LSAMP: variants seen among roughly 807,000 people sequenced by gnomAD.
LSAMP encodes the protein limbic system-associated membrane protein.
In LSAMP, 7 loss-of-function variants were observed where a neutral mutation model predicts 38.6. The ratio of observed to expected loss-of-function variants is 0.18; its 90% CI spans 0.10 to 0.34. LSAMP has a LOEUF of 0.34. Among genes scored for constraint, LSAMP ranks in the 10% least tolerant of loss-of-function variants. The pLI is 1.00. For synonymous variants in LSAMP, 154 were observed against 166.8 expected (o/e 0.92, Z 0.59); for missense variants, 313 against 420.0 (o/e 0.75, Z 2.23).
chr3:116,294,309 T>C (rs2047302595), intron 1 of LSAMP, among the ~76,000 whole-genome samples: 1 of 152,216 alleles, frequency 6.6e-6, no homozygotes, highest in South Asian at 2.1e-4. Context: ...AATATTTCTA[T>C]GCAATTTGGG....
chr3:116,386,997 C>T lies in LSAMP; in HGVS notation c.155+57880G>A, dbSNP rs114914126. Reference sequence around the variant, plus strand: ...AAGAACAGAATATATTAGGACACAACGTTTATCTTATATAGAGAGTCAAGG... The same window carrying T: ...AAGAACAGAATATATTAGGACACAATGTTTATCTTATATAGAGAGTCAAGG... On this transcript the variant is annotated intron_variant, in intron 1 of 6. Coordinates refer to ENST00000490035, the MANE Select transcript of LSAMP (RefSeq NM_002338.5). Among the ~76,000 whole-genome samples the T allele has an allele frequency of 4.5e-3, 685 of 152,192 alleles. 6 individuals are homozygous for T. The highest frequency in any genetic ancestry group is 0.016 in the African/African-American group (650 of 41,492).
intron 1 of LSAMP, among the ~76,000 whole-genome samples, chr3:116,250,662 G>T (rs1304127120): frequency 6.8e-6 from 1 of 147,628 alleles, no homozygotes; most frequent in East Asian, 2.0e-4. Flanking sequence ...GAGAGTTTGA[G>T]ACCAGCCTGG....
chr3:116,199,524 C>T (rs1321272572), intron 1 of LSAMP, among the ~76,000 whole-genome samples: 2 of 152,166 alleles, frequency 1.3e-5, no homozygotes, highest in East Asian at 3.9e-4. Context: ...CAGTTCTTAG[C>T]ACAGAGTAGA....
intron 2 of LSAMP, among the ~76,000 whole-genome samples, chr3:116,065,694 T>C (rs1402707829): frequency 2.0e-5 from 3 of 152,228 alleles, no homozygotes; most frequent in African/African-American, 7.2e-5. Flanking sequence ...GATGGCTATT[T>C]CCTTGCCAAC....
At chr3:116,416,101 A>C (rs1161695929) in intron 1 of LSAMP, among the ~76,000 whole-genome samples, 1 of 152,178 alleles carries the variant, frequency 6.6e-6, no homozygotes, top group East Asian at 1.9e-4. Flanking sequence ...TGAAAACTTT[A>C]TTCTGCAAAA....
intron 1 of LSAMP, among the ~76,000 whole-genome samples, chr3:116,091,437 T>C (rs1230658364): frequency 3.3e-5 from 5 of 152,196 alleles, no homozygotes; most frequent in African/African-American, 9.7e-5. Flanking sequence ...AAGACAGGCA[T>C]AGGAAATCAC....
At chr3:115,910,167 T>A (rs1937103423) in intron 3 of LSAMP, among the ~76,000 whole-genome samples, 1 of 152,140 alleles carries the variant, frequency 6.6e-6, no homozygotes, top group East Asian at 1.9e-4. Context: ...GTGTTTAAAG[T>A]CCCATAGCTA....
intron 2 of LSAMP, among the ~76,000 whole-genome samples, chr3:116,061,339 A>G (rs1941590578): frequency 6.6e-6 from 1 of 152,192 alleles, no homozygotes; most frequent in South Asian, 2.1e-4. Context: ...AAATTTAAGC[A>G]ATTAACTATG....
At chr3:115,960,844 T>C (rs6806562) in intron 3 of LSAMP, among the ~76,000 whole-genome samples, 57,780 of 152,108 alleles carry the variant, frequency 0.38, 11,005 homozygotes, top group African/African-American at 0.42. Context: ...TTTTTCCCCA[T>C]GGAGAACTTT....
intron 4 of LSAMP, among the ~76,000 whole-genome samples, chr3:115,845,894 C>A (rs1248958264): frequency 6.6e-6 from 1 of 152,214 alleles, no homozygotes; most frequent in Non-Finnish European, 1.5e-5. Context: ...TAGTCAGTTA[C>A]AAAGACCAAC....
At chr3:116,134,175 C>T (rs1169809505) in intron 1 of LSAMP, among the ~76,000 whole-genome samples, 3 of 152,088 alleles carry the variant, frequency 2.0e-5, no homozygotes, top group Non-Finnish European at 2.9e-5. Context: ...ATTTTCAAGC[C>T]ATACTTGATT....
chr3:115,943,322 T>C (rs1208644587), intron 3 of LSAMP, among the ~76,000 whole-genome samples: 1 of 152,182 alleles, frequency 6.6e-6, no homozygotes, highest in Non-Finnish European at 1.5e-5. Context: ...TTATCCAGTT[T>C]GGCTCTTCCT....
rs1162382499 is a variant in LSAMP at position 116,422,868 on chromosome 3, C to T, written c.155+22009G>A. Among the ~76,000 whole-genome samples the T allele has an allele frequency of 2.6e-5, 4 of 152,162 alleles. No homozygotes were observed. In the East Asian group the frequency reaches 7.7e-4, roughly 29 times the overall value. ...TACCTGGATACCTTCTCCAAAATAT[C>T]CTTTTCATAGTTTTGTTATTATAAT... On this transcript the variant is annotated intron_variant, in intron 1 of 6. Transcript: ENST00000490035.
intron 1 of LSAMP, among the ~76,000 whole-genome samples, chr3:116,284,444 C>G (rs1261422597): frequency 6.6e-6 from 1 of 152,282 alleles, no homozygotes; most frequent in African/African-American, 2.4e-5. Flanking sequence ...CCTTGGAAGG[C>G]ATGCAATTTG....
At chr3:116,259,949 C>T (rs2046803205) in intron 1 of LSAMP, among the ~76,000 whole-genome samples, 1 of 152,188 alleles carries the variant, frequency 6.6e-6, no homozygotes, top group South Asian at 2.1e-4. Flanking sequence ...TTCTTCTATC[C>T]TCACGCTATG....
chr3:116,368,262 A>C lies in LSAMP; in HGVS notation c.155+76615T>G, dbSNP rs201150548. 12 of 152,302 alleles carry C rather than the reference A, an allele frequency of 7.9e-5. No individual in the cohort carries two copies. The East Asian group carries it at 2.1e-3, about 27-fold the overall frequency. The allele number at this position is 152,302 out of a possible 1,614,324, so 9.4% of individuals were successfully genotyped here. A position where few individuals can be genotyped will look rare whatever the true frequency, so the allele number is the denominator to read the frequency against. On this transcript the variant is annotated intron_variant, in intron 1 of 6. Coordinates refer to ENST00000490035, the MANE Select transcript of LSAMP (RefSeq NM_002338.5). ...AAACTAGGCTAATACACAATGATTG[A>C]AGACTAAAGGTAACCTTGCACTCAT...
intron 1 of LSAMP, among the ~76,000 whole-genome samples, chr3:116,219,642 C>G (rs2046258840): frequency 6.6e-6 from 1 of 152,116 alleles, no homozygotes; most frequent in Admixed American, 6.6e-5. Flanking sequence ...TAAAAACCTT[C>G]TGCACAGCAA....
intron 1 of LSAMP, among the ~76,000 whole-genome samples, chr3:116,245,452 C>CA: frequency 6.6e-6 from 1 of 152,276 alleles, no homozygotes; most frequent in Middle Eastern, 3.4e-3. Context: ...GAGTGAAATT[C>CA]AAATTCTTAG....
At chr3:116,347,288 C>T (rs1160727704) in intron 1 of LSAMP, among the ~76,000 whole-genome samples, 19 of 152,124 alleles carry the variant, frequency 1.2e-4, no homozygotes, top group Non-Finnish European at 1.6e-4. Context: ...CTTCTTCTTC[C>T]CTATCCTAAC....
Sources: allele counts gnomAD v4.1 joint callset (sites outside exome capture counted in the v4.1 genomes callset), GRCh38; gene constraint gnomAD v4.1.1; transcripts MANE v1.5; gene names NCBI Gene and HGNC (gene_info 2026-07-23, HGNC 2026-07-21).